The following RPP30 variants were observed in gnomAD, a reference collection of about 807,000 sequenced individuals.
RPP30 encodes the protein ribonuclease P/MRP subunit p30, also known as ribonuclease P protein subunit p30.
Under a neutral mutation model 38.6 loss-of-function variants are expected in RPP30, and 36 were observed. The observed-to-expected ratio is 0.93, with a 90% CI of 0.71 to 1.23. The LOEUF (loss-of-function observed/expected upper bound fraction) is 1.23, where lower values mean the gene tolerates loss of function less well. Among genes scored for constraint, RPP30 ranks in the 50% most tolerant of loss-of-function variants. The pLI, the probability that RPP30 is intolerant of heterozygous loss-of-function variation, is 0.00. For synonymous variants in RPP30, 126 were observed against 112.7 expected (o/e 1.12, Z -0.75); for missense variants, 321 against 321.7 (o/e 1.00, Z 0.02).
At chr10:90,895,513 A>T (rs769715957) in intron 8 of RPP30, 30 bp downstream of exon 8, 1 of 1,288,710 alleles carries the variant, frequency 7.8e-7, no homozygotes, top group Non-Finnish European at 1.0e-6. Context: ...CTTTGTTTTC[A>T]TCTTTCAGGT....
rs1289670796 is a variant in RPP30, at chr10:90,900,559, T to G, written c.698-11T>G. 1 of 1,607,770 alleles carries G rather than the reference T, an allele frequency of 6.2e-7. No individual in the cohort carries two copies. The highest frequency in any genetic ancestry group is 8.5e-7 in the Non-Finnish European group (1 of 1,177,566). ...ACTTCAAGCACAGTGGTTTCCCTGT[T>G]TGTTTTACAGAAACTAGAAAAACTG... is the stretch of plus-strand genomic sequence containing the variant. On this transcript the variant is annotated splice_polypyrimidine_tract_variant and intron_variant, in intron 10 of 10. Coordinates refer to ENST00000371703, the MANE Select transcript of RPP30 (RefSeq NM_006413.5).
intron 5 of RPP30, among the ~76,000 whole-genome samples, chr10:90,880,455 C>T (rs1452950381): frequency 6.6e-6 from 1 of 152,124 alleles, no homozygotes; most frequent in Non-Finnish European, 1.5e-5. Context: ...AGGCCGGGCA[C>T]AGTGGCTTAT....
At chr10:90,891,607 A>T (rs974171104) in intron 6 of RPP30, among the ~76,000 whole-genome samples, 8 of 152,226 alleles carry the variant, frequency 5.3e-5, no homozygotes, top group Non-Finnish European at 1.0e-4. Flanking sequence ...TTGGTTAAAT[A>T]CATGCTATAC....
intron 6 of RPP30, among the ~76,000 whole-genome samples, chr10:90,886,437 C>T (rs1322119589): frequency 6.6e-6 from 1 of 152,150 alleles, no homozygotes; most frequent in Admixed American, 6.5e-5. Flanking sequence ...TTTTGTTTCT[C>T]CCTCTGCTAT....
In RPP30 at chr10:90,897,611, A is replaced by G. The variant is rs139367706; in HGVS notation, c.697+1219A>G. On this transcript the variant is annotated intron_variant, in intron 10 of 10. Transcript: ENST00000371703. ...CTGTCATTATTTTGATCTATTTTAA[A>G]TAAACATTCATCAGGATTTTGAGTA... Among the ~76,000 whole-genome samples the G allele has an allele frequency of 2.0e-5, 3 of 152,342 alleles. No homozygotes were observed. In the East Asian group the frequency reaches 5.8e-4, roughly 29 times the overall value.
intron 6 of RPP30, among the ~76,000 whole-genome samples, chr10:90,888,664 C>G (rs1407445921): frequency 6.6e-6 from 1 of 152,086 alleles, no homozygotes; most frequent in African/African-American, 2.4e-5. Context: ...GGCAGTGGGG[C>G]AACATGAGGA....
chr10:90,890,252 A>C (rs2120213813), intron 6 of RPP30, among the ~76,000 whole-genome samples: 1 of 152,346 alleles, frequency 6.6e-6, no homozygotes, highest in South Asian at 2.1e-4. Context: ...ATATTTTAAA[A>C]CATGAGCTTT....
rs753426783 is a variant in RPP30, at chr10:90,895,482, G to A, written c.578G>A (p.Arg193Lys). Reference sequence around the variant, plus strand: ...GTAATTATATCTAGTGCTGCAGAAAGGGTAAGTCTAGCATGAAGTACTTTG... The same window carrying A: ...GTAATTATATCTAGTGCTGCAGAAAAGGTAAGTCTAGCATGAAGTACTTTG... The part of the protein sequence containing the change: ...KNVIISSAAE[R>K]PLEIRGPYDV... The change falls in exon 8 of 11, where the codon AGG (arginine) becomes AAG (lysine). Residue 193 changes from arginine to lysine, a missense_variant and splice_region_variant. Transcript: ENST00000371703. 68 of 1,405,410 alleles carry A rather than the reference G, an allele frequency of 4.8e-5. No individual in the cohort carries two copies. Among genetic ancestry groups the A allele is most frequent in the Non-Finnish European group, 6.2e-5 (66 of 1,065,344 alleles). 87.1% of individuals were successfully genotyped at this position (1,405,410 alleles called of 1,614,324 possible).
chr10:90,891,922 G>A lies in RPP30; in HGVS notation c.433-2853G>A, dbSNP rs558863665. Among the ~76,000 whole-genome samples the A allele has an allele frequency of 9.2e-5, 14 of 152,234 alleles. No homozygotes were observed. In the East Asian group the frequency reaches 2.5e-3, roughly 27 times the overall value. On this transcript the variant is annotated intron_variant, in intron 6 of 10. Coordinates refer to ENST00000371703, the MANE Select transcript of RPP30 (RefSeq NM_006413.5). ...AAATTACCTGTCTTAAACACTGAAA[G>A]GGTTTCATTCATTTGAATTGAATAA...
chr10:90,907,126 TC>T (rs1485267908), downstream of RPP30, among the ~76,000 whole-genome samples: 6 of 152,188 alleles, frequency 3.9e-5, no homozygotes, highest in Non-Finnish European at 7.4e-5. Context: ...TCGTGTACCC[TC>T]CCAGCTCTTT....
chr10:90,907,124 C>G (rs1033283070), downstream of RPP30, among the ~76,000 whole-genome samples: 1 of 152,020 alleles, frequency 6.6e-6, no homozygotes, highest in African/African-American at 2.4e-5. Context: ...TCTCGTGTAC[C>G]CTCCCAGCTC....
chr10:90,897,451 C>G (rs924120813), intron 10 of RPP30, among the ~76,000 whole-genome samples: 2 of 152,198 alleles, frequency 1.3e-5, no homozygotes, highest in Non-Finnish European at 2.9e-5. Context: ...TTAGTTTCAA[C>G]ATTTTTAGTT....
At position 90,900,444 on chromosome 10, in the gene RPP30, G is replaced by A. The variant is rs779874279; in HGVS notation, c.698-126G>A. On this transcript the variant is annotated intron_variant, in intron 10 of 10. Transcript: ENST00000371703. ...AAGATAATGACGGTAAATGGCACTAGCAGCCATAGCAGTTCATTATGGCTT... is the reference window on the plus strand; with the variant it reads ...AAGATAATGACGGTAAATGGCACTAACAGCCATAGCAGTTCATTATGGCTT... 4 of 821,626 alleles carry A rather than the reference G, an allele frequency of 4.9e-6. No individual in the cohort carries two copies. In the South Asian group the frequency reaches 8.4e-5, roughly 17 times the overall value. 50.9% of individuals were successfully genotyped at this position (821,626 alleles called of 1,614,324 possible).
chr10:90,874,163 C>A (rs1846819924), intron 1 of RPP30, among the ~76,000 whole-genome samples: 1 of 152,118 alleles, frequency 6.6e-6, no homozygotes, highest in Non-Finnish European at 1.5e-5. Context: ...CTTTCATCCC[C>A]ATTGGTATTT....
At chr10:90,904,211 G>T (rs185504683), downstream of RPP30, among the ~76,000 whole-genome samples, 3 of 152,298 alleles carry the variant, frequency 2.0e-5, no homozygotes, top group Admixed American at 6.5e-5. Flanking sequence ...AAAAGAGCAG[G>T]AAGTCCAAGA....
chr10:90,891,564 C>G (rs1336393059), intron 6 of RPP30, among the ~76,000 whole-genome samples: 1 of 152,214 alleles, frequency 6.6e-6, no homozygotes, highest in African/African-American at 2.4e-5. Flanking sequence ...TCTACAGATA[C>G]ACTGAAACCA....
intron 7 of RPP30, 62 bp from the exon 8 acceptor site, chr10:90,895,392 A>G: frequency 1.1e-6 from 1 of 935,862 alleles, no homozygotes. Context: ...GGCTATTTAT[A>G]TTATGAAACT....
rs1564711002 is a variant in RPP30 at position 90,879,098 on chromosome 10, T to A, written c.306T>A (p.Val102=). ...CTTCAAGGGCCCGGCTCTATGATGT[T>A]GTTGCAGTTTTTCCAAAGACAGAAA... is the stretch of plus-strand genomic sequence containing the variant. The part of the protein sequence containing the change: ...ATSSRARLYD[V]VAVFPKTEKL... The change falls in exon 5 of 11, where the codon GTT becomes GTA. Residue 102 remains valine (V), a synonymous_variant. Coordinates refer to ENST00000371703, the MANE Select transcript of RPP30 (RefSeq NM_006413.5). 1 of 1,614,110 alleles carries A rather than the reference T, an allele frequency of 6.2e-7. No individual in the cohort carries two copies. The highest frequency in any genetic ancestry group is 1.7e-5 in the Admixed American group (1 of 60,028).
intron 6 of RPP30, among the ~76,000 whole-genome samples, chr10:90,892,827 G>A (rs999044536): frequency 6.6e-6 from 1 of 152,174 alleles, no homozygotes; most frequent in Admixed American, 6.6e-5. Flanking sequence ...AGGTTCCTTT[G>A]ATGATGGATC....
Sources: gnomAD v4.1 joint callset for allele counts (sites outside exome capture counted in the v4.1 genomes callset) on GRCh38, gnomAD v4.1.1 for gene constraint, MANE v1.5 for transcripts, NCBI Gene and HGNC (gene_info 2026-07-23, HGNC 2026-07-21) for gene names.